GTF2A1L: variants seen among roughly 807,000 people sequenced by gnomAD.
The protein encoded by GTF2A1L is TFIIA-alpha and beta-like factor.
GTF2A1L carries 48 observed loss-of-function variants against 49.7 expected under a neutral mutation model. The observed-to-expected ratio is 0.97, with a 90% CI of 0.77 to 1.23. The LOEUF is 1.23. GTF2A1L is among the 50% of genes most tolerant of loss of function. GTF2A1L has a pLI of 0.00. For synonymous variants in GTF2A1L, 246 were observed against 193.5 expected (o/e 1.27, Z -2.25); for missense variants, 736 against 564.8 (o/e 1.30, Z -3.07).
intron 3 of GTF2A1L, among the ~76,000 whole-genome samples, chr2:48,622,647 C>T (rs924731686): frequency 2.0e-5 from 3 of 151,898 alleles, no homozygotes; most frequent in Admixed American, 2.0e-4. Flanking sequence ...ATGGCGAAAC[C>T]CTGTCTCTAC....
rs144137397 is a variant in GTF2A1L, at chr2:48,678,856, G to A, written c.1330-479G>A. On this transcript the variant is annotated intron_variant, in intron 8 of 8. Transcript: ENST00000403751. Reference sequence around the variant, plus strand: ...TGCTGTTCTTGAACAATCCAGGCATGCCCCTCTTTAGGACTGTTCACTTCT... The same window carrying A: ...TGCTGTTCTTGAACAATCCAGGCATACCCCTCTTTAGGACTGTTCACTTCT... Among the ~76,000 whole-genome samples the A allele has an allele frequency of 3.2e-4, 48 of 152,074 alleles. 1 individual carries two copies. Among genetic ancestry groups the A allele is most frequent in the African/African-American group, 1.1e-3 (47 of 41,518 alleles).
chr2:48,669,045 C>G (rs1027046494), intron 6 of GTF2A1L, among the ~76,000 whole-genome samples: 2 of 151,924 alleles, frequency 1.3e-5, no homozygotes, highest in East Asian at 1.9e-4. Flanking sequence ...AAAAATTTGC[C>G]ATTTTACCCA....
intron 4 of GTF2A1L, among the ~76,000 whole-genome samples, chr2:48,644,007 A>AT (rs1020499828): frequency 2.0e-5 from 3 of 151,728 alleles, no homozygotes; most frequent in African/African-American, 2.4e-5. Flanking sequence ...CCTGTACAAA[A>AT]TTTTTTTAAA....
Position 48,649,182 on chromosome 2 carries a change from T to C in GTF2A1L, c.978+2140T>C, listed in dbSNP as rs554510937. 5.3e-5 allele frequency among the ~76,000 whole-genome samples: 8 copies of C among 152,334 alleles called. No homozygotes were observed. The South Asian group carries it at 1.7e-3, about 32-fold the overall frequency. On this transcript the variant is annotated intron_variant, in intron 6 of 8. Transcript: ENST00000403751. ...GTACTTTAAAAATGGAATCATACAATATTTGCCCTTTTGTGACTGTCTTAT... is the reference window on the plus strand; with the variant it reads ...GTACTTTAAAAATGGAATCATACAACATTTGCCCTTTTGTGACTGTCTTAT...
chr2:48,672,797 A>G (rs1057485033), intron 8 of GTF2A1L, among the ~76,000 whole-genome samples: 1 of 152,250 alleles, frequency 6.6e-6, no homozygotes, highest in African/African-American at 2.4e-5. Flanking sequence ...ATAGTATACA[A>G]TTCGCCTATT....
intron 8 of GTF2A1L, among the ~76,000 whole-genome samples, chr2:48,673,244 A>G (rs567466005): frequency 6.6e-6 from 1 of 152,284 alleles, no homozygotes; most frequent in East Asian, 1.9e-4. Flanking sequence ...GAAAAAAGTA[A>G]TACCTTTTCC....
In GTF2A1L at chr2:48,626,218, C is replaced by G. The variant is rs60298495; in HGVS notation, c.247+4928C>G. On this transcript the variant is annotated intron_variant, in intron 3 of 8. Transcript: ENST00000403751. ...TTATTTCTGGGCTCTCTATACTGTT[C>G]TGCTGGTCTTTGTGTCTGTTTTTGT... Among the ~76,000 whole-genome samples the G allele has an allele frequency of 4.2e-5, 6 of 143,788 alleles. 1 individual carries two copies. Among genetic ancestry groups the G allele is most frequent in the Admixed American group, 2.1e-4 (3 of 14,188 alleles). 94.3% of individuals were successfully genotyped at this position (143,788 alleles called of 152,430 possible). A position where few individuals can be genotyped will look rare whatever the true frequency, so the allele number is the denominator to read the frequency against.
At chr2:48,644,541 A>C (rs1019196049) in intron 4 of GTF2A1L, among the ~76,000 whole-genome samples, 2 of 152,148 alleles carry the variant, frequency 1.3e-5, no homozygotes, top group Non-Finnish European at 2.9e-5. Flanking sequence ...AATCAGGATA[A>C]ATTTCTAAAA....
chr2:48,637,077 A>C (rs1229713925), intron 3 of GTF2A1L, among the ~76,000 whole-genome samples: 1 of 152,194 alleles, frequency 6.6e-6, no homozygotes, highest in Non-Finnish European at 1.5e-5. Flanking sequence ...AAATTTCAGC[A>C]ATGTGGTTGG....
intron 3 of GTF2A1L, among the ~76,000 whole-genome samples, chr2:48,640,186 C>T (rs1179930328): frequency 6.6e-6 from 1 of 152,174 alleles, no homozygotes; most frequent in Non-Finnish European, 1.5e-5. Flanking sequence ...ACCCAGCAAT[C>T]TCATTACTGG....
chr2:48,618,207 A>G (rs1675772833), intron 1 of GTF2A1L: 2 of 346,446 alleles, frequency 5.8e-6, no homozygotes, highest in South Asian at 1.8e-4. Flanking sequence ...TTTCCTAGAT[A>G]CTAGAAAACC....
chr2:48,669,221 C>G (rs1321213747), intron 6 of GTF2A1L, among the ~76,000 whole-genome samples: 4 of 152,124 alleles, frequency 2.6e-5, no homozygotes, highest in Non-Finnish European at 5.9e-5. Flanking sequence ...CTCGATTTTA[C>G]TTTCTGTTTC....
chr2:48,651,797 G>T (rs955359164), intron 6 of GTF2A1L, among the ~76,000 whole-genome samples: 3 of 152,144 alleles, frequency 2.0e-5, no homozygotes, highest in African/African-American at 7.2e-5. Flanking sequence ...GCCCTTGTTT[G>T]ATCCTTGGGG....
rs1052637041 is a variant in GTF2A1L, at chr2:48,646,771, A to T, written c.707A>T (p.Gln236Leu). ...KIVPEALLCH[Q>L]ESSHYISLPG... is the part of the protein sequence containing the mutation. Reference sequence around the variant, plus strand: ...GTGCCTGAAGCTTTGTTGTGTCATCAGGAAAGTTCTCACTATATCAGTCTT... The same window carrying T: ...GTGCCTGAAGCTTTGTTGTGTCATCTGGAAAGTTCTCACTATATCAGTCTT... The change falls in exon 6 of 9, where the codon CAG becomes CTG. Residue 236 changes from glutamine to leucine, a missense_variant. Transcript: ENST00000403751. 21 of 1,614,092 alleles carry T rather than the reference A, an allele frequency of 1.3e-5. No homozygotes were observed. The highest frequency in any genetic ancestry group is 1.8e-5 in the Non-Finnish European group (21 of 1,180,052).
At chr2:48,618,148 C>T (rs1675770675) in intron 1 of GTF2A1L, 1 of 506,740 alleles carries the variant, frequency 2.0e-6, no homozygotes, top group Non-Finnish European at 3.5e-6. Flanking sequence ...CAAACTGAGG[C>T]TATCTAGTTG....
chr2:48,664,452 A>G (rs1678701579), intron 6 of GTF2A1L, among the ~76,000 whole-genome samples: 1 of 151,748 alleles, frequency 6.6e-6, no homozygotes, highest in African/African-American at 2.4e-5. Context: ...CATTTTATAT[A>G]TTGCTGGATT....
chr2:48,643,197 C>T (rs980312299), intron 4 of GTF2A1L, among the ~76,000 whole-genome samples: 3 of 151,698 alleles, frequency 2.0e-5, no homozygotes, highest in African/African-American at 7.3e-5. Flanking sequence ...CATTTTGTAC[C>T]TTCGTGAAGT....
intron 6 of GTF2A1L, among the ~76,000 whole-genome samples, chr2:48,649,546 C>G (rs1327930221): frequency 6.6e-6 from 1 of 152,184 alleles, no homozygotes. Flanking sequence ...AGAGAAGTTA[C>G]TCATTTGTAA....
In GTF2A1L at chr2:48,679,459, A is replaced by T. The variant is rs139534452; in HGVS notation, c.*17A>T. The T allele has an allele frequency of 5.6e-6, 9 of 1,611,096 alleles. No homozygotes were observed. The East Asian group carries it at 1.8e-4, about 32-fold the overall frequency. On this transcript the variant is annotated 3_prime_UTR_variant, in exon 9 of 9. Transcript: ENST00000403751. ...GAGTGGTAAACCTTGTGAGCTCAGT[A>T]CATCTATTTTGTGAACATCAGTTGG...
Sources: allele counts gnomAD v4.1 joint callset (sites outside exome capture counted in the v4.1 genomes callset), GRCh38; gene constraint gnomAD v4.1.1; transcripts MANE v1.5; gene names NCBI Gene and HGNC (gene_info 2026-07-23, HGNC 2026-07-21).